Variants in IL1RAPL1 observed in about 807,000 individuals in gnomAD.
IL1RAPL1 encodes interleukin-1 receptor accessory protein-like 1.
A neutral mutation model predicts 48.4 loss-of-function variants in IL1RAPL1; 3 were observed. That is an observed-to-expected ratio of 0.06 (90% CI 0.03 to 0.16). IL1RAPL1 has a LOEUF of 0.16. Among genes scored for constraint, IL1RAPL1 ranks in the 10% least tolerant of loss-of-function variants. IL1RAPL1 has a pLI of 1.00. For missense variants in IL1RAPL1, 349 were observed against 530.6 expected, an observed-to-expected ratio of 0.66 and a Z score of 3.36; for synonymous variants, 185 against 187.7, an observed-to-expected ratio of 0.99 and a Z score of 0.12.
rs966845640 is a variant in IL1RAPL1, at chrX:29,941,282, C to T, written c.1058-369C>T. Among the ~76,000 whole-genome samples, 3 of 111,935 alleles carry T rather than the reference C, an allele frequency of 2.7e-5. No individual in the cohort carries two copies. The Admixed American group carries it at 2.8e-4, about 11-fold the overall frequency. ...TTATCAACCCCATAAGCATAGCTTC[C>T]GGGATCTCCACAAGTGATACATTTA... On this transcript the variant is annotated intron_variant, in intron 8 of 10. Coordinates refer to ENST00000378993, the MANE Select transcript of IL1RAPL1 (RefSeq NM_014271.4).
chrX:29,800,505 CACACACACACATGCAG>C (rs1405988162), intron 6 of IL1RAPL1, among the ~76,000 whole-genome samples: 3 of 109,959 alleles, frequency 2.7e-5, no homozygotes, highest in African/African-American at 9.9e-5. Flanking sequence ...TACACACACA[CACACACACACATGCAG>C]ACACACACAC....
intron 2 of IL1RAPL1, among the ~76,000 whole-genome samples, chrX:28,797,275 G>A (rs748461936): frequency 3.6e-5 from 4 of 111,702 alleles, no homozygotes; most frequent in South Asian, 3.8e-4. Context: ...ATTAACATTC[G>A]GTTCCTCATT....
chrX:28,819,967 GATATATATATAT>G (rs764635166), intron 2 of IL1RAPL1, among the ~76,000 whole-genome samples: 473 of 26,721 alleles, frequency 0.018, 6 homozygotes, highest in African/African-American at 0.029. Context: ...TAAACATAGT[GATATATATATAT>G]ATATATATAT....
intron 5 of IL1RAPL1, among the ~76,000 whole-genome samples, chrX:29,655,497 T>C (rs1233652326): frequency 9.1e-6 from 1 of 109,947 alleles, no homozygotes; most frequent in Non-Finnish European, 1.9e-5. Context: ...ACCAGGTCTC[T>C]ACTAAAAATG....
intron 2 of IL1RAPL1, among the ~76,000 whole-genome samples, chrX:29,026,316 G>A (rs1319277862): frequency 8.9e-6 from 1 of 112,161 alleles, no homozygotes. Context: ...AATTCTAAAA[G>A]CCATTAATCC....
At chrX:29,802,895 A>ATATATG (rs1491503157) in intron 6 of IL1RAPL1, among the ~76,000 whole-genome samples, 26 of 68,549 alleles carry the variant, frequency 3.8e-4, no homozygotes, top group African/African-American at 1.3e-3. Context: ...ATATGTATAC[A>ATATATG]TATATATGTG....
intron 3 of IL1RAPL1, among the ~76,000 whole-genome samples, chrX:29,293,714 T>G (rs1417742280): frequency 9.0e-6 from 1 of 111,491 alleles, no homozygotes; most frequent in Admixed American, 9.5e-5. Flanking sequence ...ATTTTAAAAA[T>G]TACAAACAAC....
chrX:29,323,713 TTATATATATATATATATATATATATA>T (rs1172683563), intron 3 of IL1RAPL1, among the ~76,000 whole-genome samples: 36 of 10,948 alleles, frequency 3.3e-3, no homozygotes, highest in African/African-American at 4.4e-3. Context: ...ACTGAATTTT[TTATATATATATATATATATATATATA>T]TATATATATA....
chrX:29,229,575 A>G (rs759705450), intron 2 of IL1RAPL1, among the ~76,000 whole-genome samples: 87 of 112,001 alleles, frequency 7.8e-4, no homozygotes, highest in African/African-American at 2.8e-3. Context: ...TTGAAAGTTC[A>G]TCTCATGGAA....
chrX:29,107,521 C>T (rs1242572216), intron 2 of IL1RAPL1, among the ~76,000 whole-genome samples: 1 of 111,386 alleles, frequency 9.0e-6, no homozygotes, highest in Non-Finnish European at 1.9e-5. Context: ...AAAACATTTC[C>T]ATCCAAAAGA....
intron 2 of IL1RAPL1, among the ~76,000 whole-genome samples, chrX:29,076,802 G>GTCTATCTATCTATCTATCTATCTA (rs59044267): frequency 0.015 from 1,467 of 97,249 alleles, 10 homozygotes; most frequent in African/African-American, 0.035. Flanking sequence ...CTGTCTGTCT[G>GTCTATCTATCTATCTATCTATCTA]TCTATCTATC....
Position 29,948,834 on chromosome X carries a change from CAAAAAAAAAAAGAA to C in IL1RAPL1, c.1202-5677_1202-5664del, listed in dbSNP as rs1247882495. ...TATGTGATTCATATATACTTGAGAACAAAAAAAAAAAGAAAAAAAAAAAAGGAATGGCCAGCTGC... is the reference window on the plus strand; with the variant it reads ...TATGTGATTCATATATACTTGAGAACAAAAAAAAAAGGAATGGCCAGCTGC... On this transcript the variant is annotated intron_variant, in intron 9 of 10. Transcript: ENST00000378993. 1.8e-3 allele frequency among the ~76,000 whole-genome samples: 69 copies of C among 38,485 alleles called. 1 individual carries two copies. The highest frequency in any genetic ancestry group is 2.5e-3 in the Non-Finnish European group (49 of 19,516). 33.4% of individuals were successfully genotyped at this position (38,485 alleles called of 115,157 possible).
intron 6 of IL1RAPL1, among the ~76,000 whole-genome samples, chrX:29,736,667 A>T (rs1455736259): frequency 9.0e-6 from 1 of 110,909 alleles, no homozygotes. Flanking sequence ...CAGAGGTTAC[A>T]GTGAGCCGAG....
At chrX:29,073,692 T>A (rs1290103424) in intron 2 of IL1RAPL1, among the ~76,000 whole-genome samples, 5 of 111,992 alleles carry the variant, frequency 4.5e-5, no homozygotes, top group East Asian at 2.8e-4. Flanking sequence ...ACTAGAGTAT[T>A]TAGTCTGTAG....
chrX:29,614,882 C>T (rs996194278), intron 5 of IL1RAPL1, among the ~76,000 whole-genome samples: 1 of 110,665 alleles, frequency 9.0e-6, no homozygotes, highest in African/African-American at 3.3e-5. Flanking sequence ...ATGGCATGAA[C>T]CCGGGAGACG....
intron 5 of IL1RAPL1, among the ~76,000 whole-genome samples, chrX:29,466,779 C>A (rs771129355): frequency 6.3e-5 from 7 of 111,904 alleles, no homozygotes; most frequent in Non-Finnish European, 1.3e-4. Context: ...CTGAAGCTCA[C>A]TTTTTCATTG....
chrX:29,848,437 C>CA (rs34964717), intron 6 of IL1RAPL1, among the ~76,000 whole-genome samples: 8,424 of 91,728 alleles, frequency 0.092, 651 homozygotes, highest in East Asian at 0.37. Flanking sequence ...CAAAATATAG[C>CA]AAAAAAAAAA....
intron 2 of IL1RAPL1, among the ~76,000 whole-genome samples, chrX:29,146,343 A>G (rs1403102803): frequency 9.0e-6 from 1 of 111,122 alleles, no homozygotes; most frequent in Non-Finnish European, 1.9e-5. Flanking sequence ...TCTTGACTTG[A>G]AACACCCTAT....
intron 5 of IL1RAPL1, among the ~76,000 whole-genome samples, chrX:29,622,678 T>G (rs1602331504): frequency 1.8e-5 from 2 of 111,472 alleles, no homozygotes; most frequent in South Asian, 7.6e-4. Context: ...AGACCACTAC[T>G]ATTTCTGAAG....
Sources: gnomAD v4.1 joint callset for allele counts (sites outside exome capture counted in the v4.1 genomes callset) on GRCh38, gnomAD v4.1.1 for gene constraint, MANE v1.5 for transcripts, NCBI Gene and HGNC (gene_info 2026-07-23, HGNC 2026-07-21) for gene names.